MYMX: variants seen among roughly 807,000 people sequenced by gnomAD.
MYMX encodes protein myomixer.
upstream of MYMX, among the ~76,000 whole-genome samples, chr6:44,213,410 G>A (rs1775702506): frequency 6.9e-6 from 1 of 144,244 alleles, no homozygotes; most frequent in African/African-American, 2.9e-5. Flanking sequence ...AAAAGAGATT[G>A]CAAAACGTTT....
At chr6:44,196,421 G>A in the MYMX span, among the ~76,000 whole-genome samples, 1 of 152,156 alleles carries the variant, frequency 6.6e-6, no homozygotes, top group Non-Finnish European at 1.5e-5. Flanking sequence ...GCTCACACCT[G>A]TAATGCCAGC....
chr6:44,209,677 G>T, the MYMX span: 15 of 152,180 alleles, frequency 9.9e-5, no homozygotes, highest in Admixed American at 8.5e-4. Flanking sequence ...ACTTTGGGAG[G>T]CCAAGGCAGG....
chr6:44,204,519 G>A, the MYMX span, among the ~76,000 whole-genome samples: 2 of 152,162 alleles, frequency 1.3e-5, no homozygotes, highest in Admixed American at 1.3e-4. Flanking sequence ...TTAAGAAACT[G>A]TAGACATGGG....
upstream of MYMX, among the ~76,000 whole-genome samples, chr6:44,214,245 G>A (rs1027049089): frequency 1.3e-5 from 2 of 152,194 alleles, no homozygotes; most frequent in African/African-American, 4.8e-5. Context: ...TCCGATGAGG[G>A]AAATCATACT....
At chr6:44,198,289 A>C in the MYMX span, among the ~76,000 whole-genome samples, 1 of 148,060 alleles carries the variant, frequency 6.8e-6, no homozygotes, top group Non-Finnish European at 1.5e-5. Flanking sequence ...CAGCCTCCCG[A>C]GTAGCTGGGA....
chr6:44,197,734 C>T, the MYMX span, among the ~76,000 whole-genome samples: 1 of 152,032 alleles, frequency 6.6e-6, no homozygotes, highest in Admixed American at 6.6e-5. Flanking sequence ...CTTTTTCTGT[C>T]ATTTTCTTAT....
At chr6:44,194,885 G>A in the MYMX span, among the ~76,000 whole-genome samples, 485 of 152,310 alleles carry the variant, frequency 3.2e-3, 6 homozygotes, top group African/African-American at 0.011. Flanking sequence ...ATGTTACATA[G>A]ATGGTGTGCA....
chr6:44,214,982 C>T (rs6931172), upstream of MYMX, among the ~76,000 whole-genome samples: 39,994 of 152,148 alleles, frequency 0.26, 5,562 homozygotes, highest in Middle Eastern at 0.42. Context: ...ATACCTTCTC[C>T]GGAAGCAACT....
At chr6:44,208,057 G>A in the MYMX span, among the ~76,000 whole-genome samples, 4 of 151,936 alleles carry the variant, frequency 2.6e-5, no homozygotes, top group South Asian at 2.1e-4. Flanking sequence ...GCAAAACCTC[G>A]TCTCTACAAA....
At chr6:44,200,130 T>C in the MYMX span, among the ~76,000 whole-genome samples, 2 of 152,008 alleles carry the variant, frequency 1.3e-5, no homozygotes, top group African/African-American at 2.4e-5. Flanking sequence ...ATTGTGCCAC[T>C]GCACTCCAGG....
chr6:44,198,411 C>T, the MYMX span, among the ~76,000 whole-genome samples: 63 of 151,984 alleles, frequency 4.1e-4, no homozygotes, highest in African/African-American at 1.4e-3. Context: ...GTGATCTACC[C>T]GCCTCGGCCT....
At chr6:44,205,057 TG>T in the MYMX span, among the ~76,000 whole-genome samples, 2,256 of 152,214 alleles carry the variant, frequency 0.015, 14 homozygotes, top group Non-Finnish European at 0.021. Flanking sequence ...CGGGTGAGCA[TG>T]GGAGAGACAC....
At chr6:44,215,444 G>C (rs1775807845), upstream of MYMX, among the ~76,000 whole-genome samples, 1 of 152,074 alleles carries the variant, frequency 6.6e-6, no homozygotes, top group African/African-American at 2.4e-5. Flanking sequence ...GGGTGTGGTG[G>C]CGCCTGCCTG....
At chr6:44,215,240 A>G (rs1392634813), upstream of MYMX, among the ~76,000 whole-genome samples, 2 of 152,246 alleles carry the variant, frequency 1.3e-5, no homozygotes, top group East Asian at 3.8e-4. Flanking sequence ...CAAGGCAGGA[A>G]TTATACTTAT....
At chr6:44,203,618 C>T in the MYMX span, among the ~76,000 whole-genome samples, 3 of 152,164 alleles carry the variant, frequency 2.0e-5, no homozygotes, top group Admixed American at 6.5e-5. Flanking sequence ...GGGAAATATG[C>T]GGCCTTCCAT....
At chr6:44,213,077 T>C (rs1775682553), upstream of MYMX, among the ~76,000 whole-genome samples, 1 of 152,038 alleles carries the variant, frequency 6.6e-6, no homozygotes, top group African/African-American at 2.4e-5. Context: ...TCTAGGAGCT[T>C]TTGTCAGCTC....
At chr6:44,197,261 G>A in the MYMX span, among the ~76,000 whole-genome samples, 2 of 151,670 alleles carry the variant, frequency 1.3e-5, no homozygotes, top group East Asian at 2.0e-4. Context: ...GGCTGGGCAC[G>A]GCGGCTCACG....
the MYMX span, among the ~76,000 whole-genome samples, chr6:44,195,375 T>C: frequency 2.6e-3 from 391 of 152,324 alleles, 4 homozygotes; most frequent in African/African-American, 9.1e-3. Flanking sequence ...AGTCTCCTCC[T>C]GTCCCTGTGG....
rs1309661754 is a variant in MYMX, at chr6:44,217,467, C to T, written c.-5C>T. 3 of 402,062 alleles carry T rather than the reference C, an allele frequency of 7.5e-6. No individual in the cohort carries two copies. Among genetic ancestry groups the T allele is most frequent in the Non-Finnish European group, 1.3e-5 (3 of 227,688 alleles). 24.9% of individuals were successfully genotyped at this position (402,062 alleles called of 1,614,324 possible). On this transcript the variant is annotated 5_prime_UTR_variant, in exon 2 of 2. Transcript: ENST00000573382. ...CTTCCCAGGCACTGACTCACTGGCC[C>T]TGCCATGCCCACGCCACTGCTCCCG... is the stretch of plus-strand genomic sequence containing the variant.
Sources: allele counts gnomAD v4.1 joint callset (sites outside exome capture counted in the v4.1 genomes callset), GRCh38; gene constraint gnomAD v4.1.1; transcripts MANE v1.5; gene names NCBI Gene and HGNC (gene_info 2026-07-23, HGNC 2026-07-21).